SND1: variants seen among roughly 807,000 people sequenced by gnomAD.
SND1 encodes the protein staphylococcal nuclease and tudor domain containing 1.
A neutral mutation model predicts 121.7 loss-of-function variants in SND1; 38 were observed. That is an observed-to-expected ratio of 0.31 (90% CI 0.24 to 0.41). SND1 has a LOEUF of 0.41. SND1 is among the 10% of genes least tolerant of loss of function. SND1 has a pLI of 1.00. For missense variants in SND1, 868 were observed against 1,184.6 expected, an observed-to-expected ratio of 0.73 and a Z score of 3.92; for synonymous variants, 401 against 447.4, an observed-to-expected ratio of 0.90 and a Z score of 1.31.
intron 16 of SND1, among the ~76,000 whole-genome samples, chr7:128,002,728 C>T (rs943673465): frequency 6.6e-6 from 1 of 152,150 alleles, no homozygotes; most frequent in African/African-American, 2.4e-5. Flanking sequence ...ATGAGGGATA[C>T]GGGTATGAAC....
At chr7:127,839,834 G>T (rs2116639465) in intron 11 of SND1, among the ~76,000 whole-genome samples, 1 of 152,256 alleles carries the variant, frequency 6.6e-6, no homozygotes, top group African/African-American at 2.4e-5. Context: ...TTTCATGGTT[G>T]TTTGCGCTAG....
chr7:127,770,851 C>T (rs550133775), intron 10 of SND1, among the ~76,000 whole-genome samples: 3 of 152,260 alleles, frequency 2.0e-5, no homozygotes, highest in South Asian at 4.1e-4. Flanking sequence ...TGCGGTAGTC[C>T]CTTTATAATG....
chr7:127,652,415 C>T lies in SND1; in HGVS notation c.42C>T (p.Pro14=). 6.3e-7 allele frequency: 1 copy of T among 1,593,696 alleles called. No homozygotes were observed. The highest frequency in any genetic ancestry group is 8.5e-7 in the Non-Finnish European group (1 of 1,170,860). Residue 14 remains proline, a synonymous_variant, in exon 1 of 24, where the codon CCC becomes CCT. Coordinates refer to ENST00000354725, the MANE Select transcript of SND1 (RefSeq NM_014390.4). ...SAQSGGSSGG[P]AVPTVQRGII... is the part of the protein sequence containing the mutation. ...AGAGCGGCGGCTCCTCCGGGGGACCCGCGGTCCCCACCGTGCAGCGGGGCA... is the reference window on the plus strand; with the variant it reads ...AGAGCGGCGGCTCCTCCGGGGGACCTGCGGTCCCCACCGTGCAGCGGGGCA...
intron 4 of SND1, among the ~76,000 whole-genome samples, 169 bp downstream of exon 4, chr7:127,699,122 T>C (rs1390342538): frequency 1.3e-5 from 2 of 152,330 alleles, no homozygotes; most frequent in East Asian, 3.9e-4. Context: ...CATTCACTAA[T>C]GGTGTTTGAG....
intron 16 of SND1, among the ~76,000 whole-genome samples, chr7:128,032,308 C>T (rs557354304): frequency 1.3e-5 from 2 of 150,742 alleles, no homozygotes; most frequent in Non-Finnish European, 3.0e-5. Flanking sequence ...TTCCTCTCTC[C>T]CCCTCCCCCC....
At chr7:127,769,422 T>G (rs1797475940) in intron 10 of SND1, among the ~76,000 whole-genome samples, 1 of 152,210 alleles carries the variant, frequency 6.6e-6, no homozygotes. Context: ...ACTTGGTGAT[T>G]TCTTCTACCT....
chr7:127,991,190 C>A, intron 16 of SND1, 134 bp downstream of exon 16: 1 of 640,880 alleles, frequency 1.6e-6, no homozygotes, highest in Non-Finnish European at 2.7e-6. Flanking sequence ...ATTCTTGTGT[C>A]TGCCCACATC....
At chr7:127,850,296 TCA>T (rs1017862994) in intron 12 of SND1, among the ~76,000 whole-genome samples, 2 of 152,304 alleles carry the variant, frequency 1.3e-5, no homozygotes, top group African/African-American at 4.8e-5. Context: ...CTCCTATCTC[TCA>T]GAGTTTTCAA....
intron 16 of SND1, among the ~76,000 whole-genome samples, chr7:128,037,913 C>T (rs141192618): frequency 6.6e-6 from 1 of 152,298 alleles, no homozygotes; most frequent in Non-Finnish European, 1.5e-5. Flanking sequence ...AACACTTAAG[C>T]GTTTACCAGT....
At chr7:128,012,532 G>C (rs1230150312) in intron 16 of SND1, among the ~76,000 whole-genome samples, 1 of 152,188 alleles carries the variant, frequency 6.6e-6, no homozygotes, top group Non-Finnish European at 1.5e-5. Context: ...ACTGAAACTT[G>C]TACCTCCCCC....
At chr7:128,071,896 C>A (rs1452464640) in intron 16 of SND1, among the ~76,000 whole-genome samples, 1 of 152,232 alleles carries the variant, frequency 6.6e-6, no homozygotes, top group Non-Finnish European at 1.5e-5. Flanking sequence ...CCAGAGATTT[C>A]TTTCATCTGC....
At position 127,793,549 on chromosome 7, in the gene SND1, G is replaced by A. The variant is rs368722072; in HGVS notation, c.1153-13935G>A. On this transcript the variant is annotated intron_variant, in intron 10 of 23. Transcript: ENST00000354725. ...AGGTTAGGGTGCCAGCAGTAGGAAA[G>A]GTAAGGGTTTCATTGTCACAACGCA... Among the ~76,000 whole-genome samples, 46 of 152,198 alleles carry A rather than the reference G, an allele frequency of 3.0e-4. No individual in the cohort carries two copies. The East Asian group carries it at 5.8e-3, about 19-fold the overall frequency.
At chr7:128,089,384 T>G in intron 21 of SND1, 105 bp from the exon 22 acceptor site, 1 of 1,143,460 alleles carries the variant, frequency 8.7e-7, no homozygotes, top group Admixed American at 2.2e-5. Context: ...GGGAGAAAAT[T>G]ACAGGCCCCT....
intron 10 of SND1, among the ~76,000 whole-genome samples, chr7:127,747,648 C>T (rs999750628): frequency 6.6e-6 from 1 of 152,156 alleles, no homozygotes; most frequent in African/African-American, 2.4e-5. Context: ...CAAGACTGAA[C>T]ATCAGTGCTT....
chr7:127,844,730 CT>C (rs1420300414), intron 12 of SND1, among the ~76,000 whole-genome samples: 2 of 152,104 alleles, frequency 1.3e-5, no homozygotes, highest in African/African-American at 4.8e-5. Context: ...GCCCTAGATA[CT>C]GTCTAAAATG....
chr7:128,062,985 G>C lies in SND1; in HGVS notation c.1780-11517G>C, dbSNP rs114545992. ...CTTAGATGCTTCCTGAGGTGACTGT[G>C]GCCTGACCAGCACCACCTAATCCCT... On this transcript the variant is annotated intron_variant, in intron 16 of 23. Transcript: ENST00000354725. Among the ~76,000 whole-genome samples, 589 of 152,280 alleles carry C rather than the reference G, an allele frequency of 3.9e-3. 4 individuals carry two copies. The highest frequency in any genetic ancestry group is 0.014 in the African/African-American group (570 of 41,550).
chr7:127,967,697 C>T (rs1411589040), intron 15 of SND1, among the ~76,000 whole-genome samples: 3 of 152,110 alleles, frequency 2.0e-5, no homozygotes, highest in African/African-American at 4.8e-5. Context: ...CAGTTTTTCT[C>T]GATATACCCT....
intron 15 of SND1, among the ~76,000 whole-genome samples, chr7:127,983,625 C>A (rs548635563): frequency 6.6e-6 from 1 of 152,094 alleles, no homozygotes; most frequent in South Asian, 2.1e-4. Context: ...TTTGTCTCCC[C>A]CATCGTTTGA....
chr7:128,002,676 G>A (rs977389297), intron 16 of SND1, among the ~76,000 whole-genome samples: 1 of 152,200 alleles, frequency 6.6e-6, no homozygotes, highest in Admixed American at 6.5e-5. Flanking sequence ...TGCTTTTTCT[G>A]TTGATGCAGG....
Sources: gnomAD v4.1 joint callset for allele counts (sites outside exome capture counted in the v4.1 genomes callset) on GRCh38, gnomAD v4.1.1 for gene constraint, MANE v1.5 for transcripts, NCBI Gene and HGNC (gene_info 2026-07-23, HGNC 2026-07-21) for gene names.